The following EYA1 variants were observed in gnomAD, a reference collection of about 807,000 sequenced individuals.
EYA1 encodes the protein EYA transcriptional coactivator and phosphatase 1.
Under a neutral mutation model 82.0 loss-of-function variants are expected in EYA1, and 16 were observed. The observed-to-expected ratio is 0.20, with a 90% CI of 0.13 to 0.30. The LOEUF is 0.30. Among genes scored for constraint, EYA1 ranks in the 10% least tolerant of loss-of-function variants. EYA1 has a pLI of 1.00. For missense variants in EYA1, 633 were observed against 730.7 expected (o/e 0.87, Z 1.54); for synonymous variants, 261 against 264.4 (o/e 0.99, Z 0.12).
chr8:71,265,264 A>G (rs1298128868), intron 11 of EYA1, among the ~76,000 whole-genome samples: 2 of 152,020 alleles, frequency 1.3e-5, no homozygotes, highest in African/African-American at 2.4e-5. Context: ...TATTTATTAC[A>G]TTGGGTCTCT....
chr8:71,301,443 A>C (rs917616526), intron 7 of EYA1, among the ~76,000 whole-genome samples: 3 of 152,176 alleles, frequency 2.0e-5, no homozygotes. Flanking sequence ...TTCTCTATTT[A>C]CGTATCTTTT....
chr8:71,350,893 G>A (rs1295076370), intron 3 of EYA1, among the ~76,000 whole-genome samples: 2 of 152,084 alleles, frequency 1.3e-5, no homozygotes, highest in Non-Finnish European at 1.5e-5. Flanking sequence ...AATTACATAC[G>A]TAAATAAAAA....
intron 2 of EYA1, among the ~76,000 whole-genome samples, chr8:71,462,345 A>G (rs1205599613): frequency 2.0e-5 from 3 of 152,172 alleles, no homozygotes; most frequent in Non-Finnish European, 4.4e-5. Context: ...GCACACACCC[A>G]GCCGGGCTCA....
chr8:71,521,402 C>T (rs978662311), intron 2 of EYA1, among the ~76,000 whole-genome samples: 1 of 152,020 alleles, frequency 6.6e-6, no homozygotes, highest in Non-Finnish European at 1.5e-5. Flanking sequence ...TGTGGAACTA[C>T]ATATGGGAAT....
intron 9 of EYA1, among the ~76,000 whole-genome samples, chr8:71,273,048 A>G (rs1336845132): frequency 1.3e-5 from 2 of 152,210 alleles, no homozygotes; most frequent in African/African-American, 4.8e-5. Flanking sequence ...TCCACGCTTA[A>G]GTGCTTCTCC....
chr8:71,356,869 G>A (rs1826939654), intron 1 of EYA1: 1 of 263,070 alleles, frequency 3.8e-6, no homozygotes, highest in Non-Finnish European at 5.9e-6. Flanking sequence ...AATAGCGAAT[G>A]ACAAAATGAT....
intron 11 of EYA1, among the ~76,000 whole-genome samples, chr8:71,248,205 C>T (rs1258689012): frequency 6.6e-6 from 1 of 152,152 alleles, no homozygotes; most frequent in African/African-American, 2.4e-5. Context: ...CATTCCTCAA[C>T]AGTTTTTATA....
Position 71,372,676 on chromosome 8 carries a change from A to G in EYA1, c.34-16165T>C, listed in dbSNP as rs555888519. Among the ~76,000 whole-genome samples, 298 of 152,276 alleles carry G rather than the reference A, an allele frequency of 2.0e-3. 1 individual carries two copies. The highest frequency in any genetic ancestry group is 3.5e-3 in the Non-Finnish European group (240 of 67,964). ...AGGGAATTGATACAATAACAGATACATCTGAATATATGCAAAGGAGAGGTA... is the reference window on the plus strand; with the variant it reads ...AGGGAATTGATACAATAACAGATACGTCTGAATATATGCAAAGGAGAGGTA... On this transcript the variant is annotated intron_variant, in intron 2 of 18. Coordinates refer to the EYA1 transcript ENST00000643681.
chr8:71,501,559 C>T (rs992394486), intron 2 of EYA1, among the ~76,000 whole-genome samples: 1 of 152,132 alleles, frequency 6.6e-6, no homozygotes, highest in Non-Finnish European at 1.5e-5. Flanking sequence ...TAAACCAGGC[C>T]ATATTTTATA....
At chr8:71,391,173 G>A (rs958787439) in intron 2 of EYA1, among the ~76,000 whole-genome samples, 7 of 152,054 alleles carry the variant, frequency 4.6e-5, no homozygotes, top group African/African-American at 1.7e-4. Flanking sequence ...CGTAGAGACA[G>A]GGTTTTGCCA....
intron 7 of EYA1, among the ~76,000 whole-genome samples, chr8:71,315,990 A>G (rs1299913883): frequency 6.6e-6 from 1 of 150,904 alleles, no homozygotes; most frequent in Non-Finnish European, 1.5e-5. Flanking sequence ...AATGATAAAT[A>G]AAAAAAAATC....
intron 4 of EYA1, among the ~76,000 whole-genome samples, chr8:71,327,762 C>A (rs1416645870): frequency 6.6e-6 from 1 of 151,970 alleles, no homozygotes; most frequent in Non-Finnish European, 1.5e-5. Flanking sequence ...AGATAGCAAT[C>A]ACCAACATCA....
chr8:71,503,568 A>G (rs1186338914), intron 2 of EYA1, among the ~76,000 whole-genome samples: 1 of 152,172 alleles, frequency 6.6e-6, no homozygotes, highest in East Asian at 1.9e-4. Context: ...TATTTGGAAT[A>G]TAGAAACATA....
intron 1 of EYA1, chr8:71,547,636 G>T (rs900315698): frequency 6.6e-6 from 1 of 151,674 alleles, no homozygotes; most frequent in Admixed American, 6.6e-5. Context: ...CTCCTGCCCC[G>T]GGGTGGGGCC....
intron 11 of EYA1, among the ~76,000 whole-genome samples, chr8:71,250,712 T>C (rs1813651234): frequency 6.6e-6 from 1 of 152,216 alleles, no homozygotes; most frequent in South Asian, 2.1e-4. Context: ...TAAACAACAT[T>C]TTAAGCTTTA....
chr8:71,475,299 A>T (rs1438502547), intron 2 of EYA1, among the ~76,000 whole-genome samples: 1 of 152,230 alleles, frequency 6.6e-6, no homozygotes, highest in African/African-American at 2.4e-5. Flanking sequence ...AGAGGTAAAT[A>T]AATAATTGAA....
intron 2 of EYA1, among the ~76,000 whole-genome samples, chr8:71,465,134 C>T (rs531058494): frequency 5.7e-4 from 86 of 152,130 alleles, no homozygotes; most frequent in African/African-American, 2.0e-3. Flanking sequence ...TTATTACTGC[C>T]CACTTTCTTC....
upstream of EYA1, among the ~76,000 whole-genome samples, chr8:71,363,704 T>C (rs768171134): frequency 2.6e-5 from 4 of 152,158 alleles, no homozygotes; most frequent in Admixed American, 6.5e-5. Context: ...TCAGATAAAA[T>C]GTAATGTTGT....
chr8:71,542,771 G>T (rs1815248956), intron 1 of EYA1, among the ~76,000 whole-genome samples: 1 of 152,122 alleles, frequency 6.6e-6, no homozygotes, highest in Non-Finnish European at 1.5e-5. Flanking sequence ...GGTATGAGAT[G>T]GTATCTCATT....
Sources: gnomAD v4.1 joint callset for allele counts (sites outside exome capture counted in the v4.1 genomes callset) on GRCh38, gnomAD v4.1.1 for gene constraint, MANE v1.5 for transcripts, NCBI Gene and HGNC (gene_info 2026-07-23, HGNC 2026-07-21) for gene names.